MAN2A1: variants seen among roughly 807,000 people sequenced by gnomAD.
MAN2A1 encodes mannosidase alpha class 2A member 1.
MAN2A1 carries 76 observed loss-of-function variants against 142.6 expected under a neutral mutation model. That is an observed-to-expected ratio of 0.53 (90% confidence interval 0.44 to 0.65). The LOEUF (loss-of-function observed/expected upper bound fraction) is 0.65, where lower values mean the gene tolerates loss of function less well. Ranked by LOEUF, MAN2A1 falls within the 30% of genes least tolerant of loss-of-function variation. The pLI, the probability that MAN2A1 is intolerant of heterozygous loss-of-function variation, is 0.00. For synonymous variants in MAN2A1, 559 were observed against 473.2 expected (o/e 1.18, Z -2.35); for missense variants, 1,311 against 1,365.1 (o/e 0.96, Z 0.62).
In MAN2A1 at chr5:109,764,170, G is replaced by T. The variant is rs556552989; in HGVS notation, c.836-3365G>T. On this transcript the variant is annotated intron_variant, in intron 5 of 21. Coordinates refer to ENST00000261483, the MANE Select transcript of MAN2A1 (RefSeq NM_002372.4). ...TATCCATATTACAAATATATTTCCT[G>T]ATTCCTCTTAAACTATAGTATTAAA... Among the ~76,000 whole-genome samples, 9 of 152,044 alleles carry T rather than the reference G, an allele frequency of 5.9e-5. No individual in the cohort carries two copies. In the East Asian group the frequency reaches 1.7e-3, roughly 29 times the overall value.
In MAN2A1 at chr5:109,842,416, T is replaced by A. The variant is rs1230139641; in HGVS notation, c.2655T>A (p.Asp885Glu). ...AGATTGCAATGAAAATTTCTTCTGA[T>A]ATAAAAAGCCAAAATAGATTTTATA... ...NREIAMKISS[D>E]IKSQNRFYTD... is the part of the protein sequence containing the mutation. Residue 885 changes from aspartate to glutamate, a missense_variant, in exon 17 of 22, where the codon GAT becomes GAA. Around this residue, in one of 3 missense-constraint regions of MAN2A1, gnomAD observed 890 missense variants for 920.5 expected, o/e 0.97. Transcript: ENST00000261483. The A allele has an allele frequency of 6.3e-7, 1 of 1,587,274 alleles. No individual in the cohort carries two copies. The highest frequency in any genetic ancestry group is 8.6e-7 in the Non-Finnish European group (1 of 1,157,668).
chr5:109,846,870 T>G (rs1755356865), intron 18 of MAN2A1, among the ~76,000 whole-genome samples: 1 of 152,134 alleles, frequency 6.6e-6, no homozygotes, highest in Admixed American at 6.6e-5. Flanking sequence ...AATTCGATTT[T>G]GAAAGTAGTA....
chr5:109,701,853 C>G (rs1750993197), intron 1 of MAN2A1, among the ~76,000 whole-genome samples: 1 of 152,084 alleles, frequency 6.6e-6, no homozygotes, highest in Non-Finnish European at 1.5e-5. Context: ...ACTGGTTGTA[C>G]TATTTGCAGA....
intron 3 of MAN2A1, among the ~76,000 whole-genome samples, chr5:109,722,253 C>T (rs988739937): frequency 2.0e-5 from 3 of 152,138 alleles, no homozygotes; most frequent in Non-Finnish European, 4.4e-5. Flanking sequence ...TCTCACTGCA[C>T]TATCTCCTAT....
chr5:109,812,037 A>G (rs539506236), intron 12 of MAN2A1, among the ~76,000 whole-genome samples: 2 of 152,272 alleles, frequency 1.3e-5, no homozygotes, highest in East Asian at 3.9e-4. Context: ...CAGTGTGATG[A>G]TGTGCCAGGG....
chr5:109,828,141 A>G (rs1448633441), intron 16 of MAN2A1, among the ~76,000 whole-genome samples: 4 of 152,014 alleles, frequency 2.6e-5, no homozygotes, highest in Admixed American at 1.3e-4. Flanking sequence ...AAAAATTTCT[A>G]ATGAAATATA....
chr5:109,824,791 G>T (rs1754715327), intron 16 of MAN2A1, among the ~76,000 whole-genome samples: 1 of 152,106 alleles, frequency 6.6e-6, no homozygotes, highest in Non-Finnish European at 1.5e-5. Flanking sequence ...TTAAATCACA[G>T]AAGTTCAATT....
rs142433207 is a variant in MAN2A1 at position 109,713,645 on chromosome 5, G to A, written c.261G>A (p.Pro87=). The change falls in exon 2 of 22, where the codon CCG becomes CCA. Residue 87 remains proline, a synonymous_variant. Transcript: ENST00000261483. ...TGAGTGAGTCTGTGGAGGATGGTCC[G>A]AAAAGTTCACAAAGCAATTTCAGCC... is the stretch of plus-strand genomic sequence containing the variant. ...INLSESVEDG[P]KSSQSNFSQG... 5.0e-5 allele frequency: 81 copies of A among 1,614,038 alleles called. No homozygotes were observed. The highest frequency in any genetic ancestry group is 1.5e-4 in the African/African-American group (11 of 74,924).
At chr5:109,767,384 T>G (rs1007274600) in intron 5 of MAN2A1, 151 bp from the exon 6 acceptor site, 1 of 549,666 alleles carries the variant, frequency 1.8e-6, no homozygotes, top group Non-Finnish European at 3.1e-6. Flanking sequence ...GATATCTTGC[T>G]GGGAATACTT....
chr5:109,799,826 C>T (rs1221271362), intron 12 of MAN2A1, among the ~76,000 whole-genome samples: 1 of 144,556 alleles, frequency 6.9e-6, no homozygotes, highest in Non-Finnish European at 1.5e-5. Flanking sequence ...TGGTGACTTA[C>T]CCTATAATCC....
At chr5:109,742,257 A>C (rs1297599641) in intron 4 of MAN2A1, among the ~76,000 whole-genome samples, 5 of 152,220 alleles carry the variant, frequency 3.3e-5, no homozygotes, top group African/African-American at 1.2e-4. Flanking sequence ...AGAACAGTTT[A>C]TATATTCACC....
chr5:109,825,617 T>C (rs572821832), intron 16 of MAN2A1, among the ~76,000 whole-genome samples: 2 of 152,308 alleles, frequency 1.3e-5, no homozygotes, highest in African/African-American at 4.8e-5. Flanking sequence ...AGTGCTTGAC[T>C]TGGAAATTAA....
intron 7 of MAN2A1, among the ~76,000 whole-genome samples, chr5:109,770,750 TA>T (rs1753124695): frequency 6.6e-6 from 1 of 152,114 alleles, no homozygotes; most frequent in South Asian, 2.1e-4. Flanking sequence ...TGAACAATAC[TA>T]GATCAATATA....
chr5:109,695,938 A>C (rs930379249), intron 1 of MAN2A1, among the ~76,000 whole-genome samples: 1 of 152,218 alleles, frequency 6.6e-6, no homozygotes, highest in East Asian at 1.9e-4. Flanking sequence ...GCTCACATCT[A>C]GTGCTTTAGT....
At chr5:109,726,787 C>CT (rs1751756885) in intron 3 of MAN2A1, among the ~76,000 whole-genome samples, 1 of 152,128 alleles carries the variant, frequency 6.6e-6, no homozygotes, top group African/African-American at 2.4e-5. Flanking sequence ...GCCTTTTATG[C>CT]TAGATTACTG....
intron 4 of MAN2A1, among the ~76,000 whole-genome samples, chr5:109,734,233 T>A (rs1469915745): frequency 6.6e-6 from 1 of 151,752 alleles, no homozygotes; most frequent in Admixed American, 6.6e-5. Flanking sequence ...TTTTATTGCG[T>A]CTATTTGATT....
At chr5:109,866,264 C>T (rs541214230) in intron 21 of MAN2A1, among the ~76,000 whole-genome samples, 20 of 152,064 alleles carry the variant, frequency 1.3e-4, no homozygotes, top group Non-Finnish European at 2.4e-4. Flanking sequence ...TTATACGATC[C>T]AGAGAGACAG....
At chr5:109,756,493 T>G (rs1415480519) in intron 5 of MAN2A1, among the ~76,000 whole-genome samples, 1 of 152,234 alleles carries the variant, frequency 6.6e-6, no homozygotes, top group East Asian at 1.9e-4. Context: ...TCCCTATTTT[T>G]TCTTTACTTT....
chr5:109,809,578 C>T (rs954159318), intron 12 of MAN2A1, among the ~76,000 whole-genome samples: 1 of 152,042 alleles, frequency 6.6e-6, no homozygotes, highest in Non-Finnish European at 1.5e-5. Flanking sequence ...ATTCCATTTT[C>T]TCCTGGCTTT....
Sources: allele counts gnomAD v4.1 joint callset (sites outside exome capture counted in the v4.1 genomes callset), GRCh38; gene constraint gnomAD v4.1.1; regional missense constraint gnomAD v4.1.1; transcripts MANE v1.5; gene names NCBI Gene and HGNC (gene_info 2026-07-23, HGNC 2026-07-21).